GABRR2: variants seen among roughly 807,000 people sequenced by gnomAD.
GABRR2 encodes the protein gamma-aminobutyric acid type A receptor subunit rho2.
Under a neutral mutation model 47.0 loss-of-function variants are expected in GABRR2, and 36 were observed. That is an observed-to-expected ratio of 0.77 (90% CI 0.59 to 1.01). The LOEUF (loss-of-function observed/expected upper bound fraction) is 1.01. GABRR2 is among the 50% of genes least tolerant of loss of function. The pLI, the probability that GABRR2 is intolerant of heterozygous loss-of-function variation, is 0.00. For synonymous variants in GABRR2, 204 were observed against 227.5 expected, an observed-to-expected ratio of 0.90 and a Z score of 0.93; for missense variants, 587 against 594.6, an observed-to-expected ratio of 0.99 and a Z score of 0.13.
At chr6:89,282,977 T>G (rs1287638389) in intron 2 of GABRR2, among the ~76,000 whole-genome samples, 1 of 152,202 alleles carries the variant, frequency 6.6e-6, no homozygotes, top group African/African-American at 2.4e-5. Flanking sequence ...GTGGTCACAC[T>G]CACTAGCTGA....
chr6:89,313,019 G>T (rs1250125275), intron 1 of GABRR2, among the ~76,000 whole-genome samples: 2 of 152,114 alleles, frequency 1.3e-5, no homozygotes, highest in African/African-American at 4.8e-5. Context: ...TGCTGAGTGG[G>T]GTCCCTGGGC....
At chr6:89,273,355 C>A (rs940619604) in intron 2 of GABRR2, among the ~76,000 whole-genome samples, 9 of 152,216 alleles carry the variant, frequency 5.9e-5, no homozygotes, top group African/African-American at 1.9e-4. Flanking sequence ...GCTTCAGCCT[C>A]CTGAGTGGCT....
intron 2 of GABRR2, among the ~76,000 whole-genome samples, chr6:89,289,261 C>T (rs917226993): frequency 6.6e-6 from 1 of 152,132 alleles, no homozygotes; most frequent in Admixed American, 6.5e-5. Flanking sequence ...GGCAGTGGGC[C>T]AGGCTGCAGA....
chr6:89,262,097 C>T (rs1490817289), intron 8 of GABRR2, among the ~76,000 whole-genome samples: 1 of 152,064 alleles, frequency 6.6e-6, no homozygotes, highest in Admixed American at 6.6e-5. Flanking sequence ...ACCCCTGGCC[C>T]CTGTTCCACC....
At position 89,264,572 on chromosome 6, in the gene GABRR2, G is replaced by A. The variant is rs530768090; in HGVS notation, c.926C>T (p.Thr309Met). ...GCGCGGCATGGAGGCATTCACGCCC[G>A]TGATGATGGTGGTCATGGTCAGCAC... ...TTVLTMTTIITGVNASMPRVS... is the reference protein window; with the variant it reads ...TTVLTMTTIIMGVNASMPRVS... The change falls in exon 8 of 9, where the codon ACG becomes ATG. Residue 309 changes from threonine (T) to methionine (M), a missense_variant. Thr to Met is a moderately conservative substitution (Grantham distance 81). Transcript: ENST00000402938. The A allele has an allele frequency of 2.2e-5, 36 of 1,614,072 alleles. No individual in the cohort carries two copies. Among genetic ancestry groups the A allele is most frequent in the Middle Eastern group, 1.6e-4 (1 of 6,084 alleles).
intron 3 of GABRR2, among the ~76,000 whole-genome samples, chr6:89,269,701 G>A (rs532845553): frequency 6.6e-6 from 1 of 152,230 alleles, no homozygotes; most frequent in South Asian, 2.1e-4. Flanking sequence ...GAAAAATTGT[G>A]TCTTGCCCAC....
rs1367582055 is a variant in GABRR2 at position 89,269,069 on chromosome 6, T to C, written c.454A>G (p.Thr152Ala). 5 of 1,613,880 alleles carry C rather than the reference T, an allele frequency of 3.1e-6. No homozygotes were observed. Among genetic ancestry groups the C allele is most frequent in the Non-Finnish European group, 4.2e-6 (5 of 1,179,890 alleles). The change falls in exon 4 of 9, where the codon ACC (threonine) becomes GCC (alanine). Residue 152 changes from threonine (T) to alanine (A), a missense_variant. By Grantham distance (58) the Thr-to-Ala change is moderately conservative (BLOSUM62 0). Coordinates refer to ENST00000402938, the MANE Select transcript of GABRR2 (RefSeq NM_002043.5). ...HSKRSFTHDT[T>A]TDNIMLRVFP... ...ACCCTCAGCATGATGTTGTCAGTGG[T>C]GGTGTCATGAGTGAACGATCTTTTG...
Position 89,294,639 on chromosome 6 carries a change from C to T in GABRR2, c.220+5120G>A, listed in dbSNP as rs1774525904. Among the ~76,000 whole-genome samples, 4 of 151,604 alleles carry T rather than the reference C, an allele frequency of 2.6e-5. No homozygotes were observed. In the South Asian group the frequency reaches 8.3e-4, roughly 32 times the overall value. On this transcript the variant is annotated intron_variant, in intron 2 of 8. Transcript: ENST00000402938. ...GCACTTTGGGTGGGTTGGGCCCAGG[C>T]TCTACTTTTTTTTTTTTATACTTTA... is the stretch of plus-strand genomic sequence containing the variant.
In GABRR2 at chr6:89,268,991, A is replaced by C; in HGVS notation, c.512+20T>G. 1 of 1,606,120 alleles carries C rather than the reference A, an allele frequency of 6.2e-7. No individual in the cohort carries two copies. The highest frequency in any genetic ancestry group is 8.5e-7 in the Non-Finnish European group (1 of 1,172,668). On this transcript the variant is annotated intron_variant, in intron 4 of 8. Coordinates refer to ENST00000402938, the MANE Select transcript of GABRR2 (RefSeq NM_002043.5). ...CCAGAAAGGCACTGGACAGAGGAAC[A>C]ATGGCCCCCAGACAGCTACCTCATG...
At chr6:89,292,884 G>C (rs187135220) in intron 2 of GABRR2, among the ~76,000 whole-genome samples, 4 of 139,642 alleles carry the variant, frequency 2.9e-5, no homozygotes. Context: ...ATCATATATA[G>C]AGAGAAATGA....
chr6:89,280,211 A>G (rs1404903677), intron 2 of GABRR2, among the ~76,000 whole-genome samples: 1 of 110,394 alleles, frequency 9.1e-6, no homozygotes, highest in Non-Finnish European at 1.8e-5. Context: ...TCTAAAAACA[A>G]ATATATATAT....
At chr6:89,306,332 C>A (rs1767558692) in intron 1 of GABRR2, among the ~76,000 whole-genome samples, 1 of 151,252 alleles carries the variant, frequency 6.6e-6, no homozygotes, top group African/African-American at 2.4e-5. Flanking sequence ...AGCATTCTAG[C>A]CTGAGTAACA....
In GABRR2 at chr6:89,256,023, G is replaced by A. The variant is rs776538340; in HGVS notation, c.*1647C>T. Reference sequence around the variant, plus strand: ...ATTCCTGGGCTCAAGCAATCCTCCCGCCTCAGCCTCCTGAGTAGCTAGAAC... The same window carrying A: ...ATTCCTGGGCTCAAGCAATCCTCCCACCTCAGCCTCCTGAGTAGCTAGAAC... On this transcript the variant is annotated 3_prime_UTR_variant, in exon 9 of 9. Coordinates refer to ENST00000402938, the MANE Select transcript of GABRR2 (RefSeq NM_002043.5). 5.9e-5 allele frequency among the ~76,000 whole-genome samples: 9 copies of A among 151,746 alleles called. No homozygotes were observed. The highest frequency in any genetic ancestry group is 2.1e-4 in the South Asian group (1 of 4,792).
chr6:89,264,949 G>C (rs1773854744), intron 7 of GABRR2, among the ~76,000 whole-genome samples: 2 of 152,114 alleles, frequency 1.3e-5, no homozygotes, highest in Non-Finnish European at 2.9e-5. Context: ...TTAGATGAGA[G>C]AGAATGTGCC....
At chr6:89,290,696 C>T (rs369508432) in intron 2 of GABRR2, among the ~76,000 whole-genome samples, 5 of 152,200 alleles carry the variant, frequency 3.3e-5, no homozygotes, top group African/African-American at 1.2e-4. Context: ...TTGGTTCTGC[C>T]AATGAAAGTG....
At chr6:89,295,700 C>T (rs988877532) in intron 2 of GABRR2, among the ~76,000 whole-genome samples, 5 of 151,876 alleles carry the variant, frequency 3.3e-5, no homozygotes, top group Admixed American at 3.3e-4. Flanking sequence ...GAAGTCCTTG[C>T]CCATGCCTAT....
chr6:89,271,938 G>A (rs2127835513), intron 2 of GABRR2, among the ~76,000 whole-genome samples: 1 of 152,284 alleles, frequency 6.6e-6, no homozygotes, highest in Non-Finnish European at 1.5e-5. Flanking sequence ...GCCATCCCTG[G>A]GCCAGGCTGA....
Position 89,292,779 on chromosome 6 carries a change from C to A in GABRR2, c.220+6980G>T, listed in dbSNP as rs1173351740. Among the ~76,000 whole-genome samples, 2 of 90,934 alleles carry A rather than the reference C, an allele frequency of 2.2e-5. 1 individual carries two copies. The highest frequency in any genetic ancestry group is 8.1e-5 in the African/African-American group (2 of 24,634). The allele number at this position is 90,934 out of a possible 152,430, so 59.7% of individuals were successfully genotyped here. On this transcript the variant is annotated intron_variant, in intron 2 of 8. Transcript: ENST00000402938. ...CGTATATACGATATATCGTATATATCGTATATACGATATATCGTATATATC... is the reference window on the plus strand; with the variant it reads ...CGTATATACGATATATCGTATATATAGTATATACGATATATCGTATATATC...
chr6:89,277,035 G>T (rs941516018), intron 2 of GABRR2, among the ~76,000 whole-genome samples: 4 of 152,142 alleles, frequency 2.6e-5, no homozygotes, highest in Non-Finnish European at 5.9e-5. Flanking sequence ...TTCACTATTT[G>T]ACATGATTAG....
Sources: gnomAD v4.1 joint callset for allele counts (sites outside exome capture counted in the v4.1 genomes callset) on GRCh38, gnomAD v4.1.1 for gene constraint, MANE v1.5 for transcripts, NCBI Gene and HGNC (gene_info 2026-07-23, HGNC 2026-07-21) for gene names.